The following IL34 variants were observed in gnomAD, a reference collection of about 807,000 sequenced individuals.
IL34 encodes interleukin-34.
A neutral mutation model predicts 25.3 loss-of-function variants in IL34; 17 were observed. The ratio of observed to expected loss-of-function variants is 0.67; its 90% CI spans 0.46 to 1.01. IL34 has a LOEUF of 1.01. Ranked by LOEUF, IL34 falls within the 50% of genes least tolerant of loss-of-function variation. The pLI is 0.00. For synonymous variants in IL34, 174 were observed against 140.9 expected (o/e 1.23, Z -1.66); for missense variants, 368 against 312.9 (o/e 1.18, Z -1.33).
At chr16:70,641,948 G>A (rs2051794728), upstream of IL34, among the ~76,000 whole-genome samples, 1 of 152,128 alleles carries the variant, frequency 6.6e-6, no homozygotes, top group South Asian at 2.1e-4. Flanking sequence ...AATCTGAAAT[G>A]GACAAAGAAA....
At chr16:70,638,809 T>A (rs898903697) in intron 1 of IL34, among the ~76,000 whole-genome samples, 1 of 152,170 alleles carries the variant, frequency 6.6e-6, no homozygotes, top group South Asian at 2.1e-4. Context: ...CTCATACTCC[T>A]GGGCTCAAGC....
At chr16:70,580,084 G>C (rs1373634388) in intron 1 of IL34, 1 of 152,468 alleles carries the variant, frequency 6.6e-6, no homozygotes, top group Non-Finnish European at 1.5e-5. Context: ...CCTATGCCTG[G>C]CTTTCCTCTG....
chr16:70,643,517 C>T (rs34426756), upstream of IL34, among the ~76,000 whole-genome samples: 49,893 of 152,052 alleles, frequency 0.33, 8,293 homozygotes, highest in South Asian at 0.45. Context: ...ACCACAGGCC[C>T]GTGCCACTAC....
At chr16:70,654,714 G>C (rs202166399) in intron 2 of IL34, 43 bp downstream of exon 2, 2 of 1,562,956 alleles carry the variant, frequency 1.3e-6, no homozygotes, top group Admixed American at 3.5e-5. Context: ...CCCGCGTCCC[G>C]GGGTTCACCT....
At chr16:70,619,349 G>A (rs2051230035) in intron 1 of IL34, among the ~76,000 whole-genome samples, 7 of 152,062 alleles carry the variant, frequency 4.6e-5, no homozygotes, top group Admixed American at 4.6e-4. Context: ...AGGAGGCTTT[G>A]GATTGGGAAG....
rs192632737 is a variant in IL34, at chr16:70,621,092, G to A, written c.-400-25456G>A. Reference sequence around the variant, plus strand: ...GCAATTAGGGGGTTCTTGCCCCCTAGGAAAGCGGGACTTGTCGCTAAGGGT... The same window carrying A: ...GCAATTAGGGGGTTCTTGCCCCCTAAGAAAGCGGGACTTGTCGCTAAGGGT... On this transcript the variant is annotated intron_variant, in intron 1 of 6. Coordinates refer to the IL34 transcript ENST00000429149. 7.2e-5 allele frequency among the ~76,000 whole-genome samples: 11 copies of A among 152,222 alleles called. No individual in the cohort carries two copies. In the East Asian group the frequency reaches 2.1e-3, roughly 29 times the overall value.
chr16:70,621,691 G>A lies in IL34; in HGVS notation c.-400-24857G>A, dbSNP rs544218636. On this transcript the variant is annotated intron_variant, in intron 1 of 6. Coordinates refer to the IL34 transcript ENST00000429149. ...TGTTTATTTCACCTGGGTGCAGGCA[G>A]GCTGAGTCCGAAAAGAGAGTCAGTG... is the stretch of plus-strand genomic sequence containing the variant. Among the ~76,000 whole-genome samples the A allele has an allele frequency of 2.0e-5, 3 of 152,238 alleles. No homozygotes were observed. In the East Asian group the frequency reaches 5.8e-4, roughly 29 times the overall value.
At chr16:70,659,073 G>C (rs565132046) in intron 4 of IL34, among the ~76,000 whole-genome samples, 1 of 152,220 alleles carries the variant, frequency 6.6e-6, no homozygotes, top group Non-Finnish European at 1.5e-5. Context: ...TTTCTACAGT[G>C]GCCCTGACCT....
rs1339320843 is a variant in IL34 at position 70,621,582 on chromosome 16, T to TC, written c.-400-24961dup. Among the ~76,000 whole-genome samples, 29 of 150,924 alleles carry TC rather than the reference T, an allele frequency of 1.9e-4. 1 individual carries two copies. In the South Asian group the frequency reaches 5.9e-3, roughly 31 times the overall value. ...CAGGGGATTGATCTCCCAAGGGAGG[T>TC]CCCCCGATCCGAGTCATGGCACCAA... On this transcript the variant is annotated intron_variant, in intron 1 of 6. Transcript: ENST00000429149.
chr16:70,633,172 C>G (rs943588819), intron 1 of IL34, among the ~76,000 whole-genome samples: 1 of 151,084 alleles, frequency 6.6e-6, no homozygotes, highest in Non-Finnish European at 1.5e-5. Context: ...GCCATGTTGC[C>G]CAGGCATGTC....
At chr16:70,621,325 G>A (rs2051277259) in intron 1 of IL34, among the ~76,000 whole-genome samples, 1 of 152,142 alleles carries the variant, frequency 6.6e-6, no homozygotes, top group African/African-American at 2.4e-5. Flanking sequence ...TGGGTCCACG[G>A]ATAAAACATG....
At chr16:70,644,650 G>C (rs1042030922), upstream of IL34, among the ~76,000 whole-genome samples, 2 of 142,894 alleles carry the variant, frequency 1.4e-5, no homozygotes, top group Non-Finnish European at 1.5e-5. Flanking sequence ...TTCTAGATAC[G>C]TTAGTGTTTG....
chr16:70,600,816 T>G (rs1390311090), intron 1 of IL34, among the ~76,000 whole-genome samples: 4 of 148,146 alleles, frequency 2.7e-5, no homozygotes, highest in African/African-American at 5.2e-5. Context: ...CTGGGAGAAA[T>G]GAGGAGATGC....
intron 1 of IL34, among the ~76,000 whole-genome samples, chr16:70,634,860 C>T (rs1050101070): frequency 1.4e-4 from 21 of 152,048 alleles, no homozygotes; most frequent in Non-Finnish European, 2.9e-4. Context: ...TGTCTGGTTG[C>T]TTTTGCTCAA....
chr16:70,621,094 A>T (rs1037293040), intron 1 of IL34, among the ~76,000 whole-genome samples: 3 of 152,108 alleles, frequency 2.0e-5, no homozygotes, highest in African/African-American at 7.2e-5. Context: ...GCCCCCTAGG[A>T]AAGCGGGACT....
chr16:70,656,722 A>T, intron 3 of IL34, 43 bp downstream of exon 3: 1 of 1,026,788 alleles, frequency 9.7e-7, no homozygotes, highest in Non-Finnish European at 1.6e-6. Context: ...GCCTCCTGCG[A>T]CATCCGGTGG....
chr16:70,629,429 T>A (rs2051467665), intron 1 of IL34, among the ~76,000 whole-genome samples: 1 of 152,216 alleles, frequency 6.6e-6, no homozygotes, highest in Non-Finnish European at 1.5e-5. Flanking sequence ...GTTGTCCTTT[T>A]GTATACTTGC....
intron 1 of IL34, among the ~76,000 whole-genome samples, chr16:70,615,331 A>AC (rs1169216354): frequency 1.3e-5 from 2 of 151,888 alleles, no homozygotes; most frequent in Admixed American, 6.6e-5. Flanking sequence ...ACATGGTGAA[A>AC]CCCCGTCTCT....
intron 1 of IL34, among the ~76,000 whole-genome samples, chr16:70,630,570 CTTCT>C (rs913396395): frequency 4.0e-5 from 6 of 151,202 alleles, no homozygotes; most frequent in African/African-American, 1.5e-4. Context: ...CTCCTCTCCT[CTTCT>C]TTCTTTTTTC....
Sources: gnomAD v4.1 joint callset for allele counts (sites outside exome capture counted in the v4.1 genomes callset) on GRCh38, gnomAD v4.1.1 for gene constraint, MANE v1.5 for transcripts, NCBI Gene and HGNC (gene_info 2026-07-23, HGNC 2026-07-21) for gene names.